Variants in SCP2 observed in about 807,000 individuals in gnomAD.
SCP2 encodes sterol carrier protein 2, also known as SCP-2/3-oxoacyl-CoA thiolase.
Under a neutral mutation model 71.4 loss-of-function variants are expected in SCP2, and 48 were observed. The ratio of observed to expected loss-of-function variants is 0.67; its 90% CI spans 0.53 to 0.86. The LOEUF (loss-of-function observed/expected upper bound fraction) is 0.86, where lower values mean the gene tolerates loss of function less well. SCP2 is among the 40% of genes least tolerant of loss of function. SCP2 has a pLI of 0.00. For synonymous variants in SCP2, 220 were observed against 218.1 expected (o/e 1.01, Z -0.08); for missense variants, 560 against 655.6 (o/e 0.85, Z 1.59).
chr1:53,026,805 A>C (rs960645026), intron 12 of SCP2, among the ~76,000 whole-genome samples: 2 of 152,108 alleles, frequency 1.3e-5, no homozygotes, highest in Non-Finnish European at 2.9e-5. Flanking sequence ...CCCTGTGGGA[A>C]AGAGAGAGAG....
At chr1:53,030,063 A>G (rs1000012126) in intron 13 of SCP2, among the ~76,000 whole-genome samples, 2 of 151,864 alleles carry the variant, frequency 1.3e-5, no homozygotes, top group African/African-American at 4.8e-5. Flanking sequence ...TAATTTTTGT[A>G]TTTTTAGTAG....
intron 11 of SCP2, among the ~76,000 whole-genome samples, chr1:53,010,631 G>T (rs1660927782): frequency 6.6e-6 from 1 of 152,090 alleles, no homozygotes; most frequent in African/African-American, 2.4e-5. Flanking sequence ...TCTGTCGTTG[G>T]GTGGGGGAAG....
At chr1:53,040,445 GC>G (rs1269436135) in intron 14 of SCP2, among the ~76,000 whole-genome samples, 1 of 152,110 alleles carries the variant, frequency 6.6e-6, no homozygotes, top group Non-Finnish European at 1.5e-5. Flanking sequence ...TATCCTTGTG[GC>G]CTGTTCCCTC....
intron 10 of SCP2, among the ~76,000 whole-genome samples, chr1:52,984,990 C>T (rs1658861745): frequency 6.6e-6 from 1 of 151,448 alleles, no homozygotes; most frequent in African/African-American, 2.4e-5. Context: ...CAGGGGTACA[C>T]CACCACGCCC....
At chr1:52,929,507 G>A (rs1216829992) in intron 1 of SCP2, among the ~76,000 whole-genome samples, 8 of 152,026 alleles carry the variant, frequency 5.3e-5, no homozygotes, top group Non-Finnish European at 1.0e-4. Context: ...GTGCAGTGGG[G>A]CGATCTCAGC....
chr1:52,965,300 T>C (rs1656849667), intron 6 of SCP2, among the ~76,000 whole-genome samples: 1 of 152,170 alleles, frequency 6.6e-6, no homozygotes, highest in Admixed American at 6.5e-5. Context: ...ATTTGAACTT[T>C]ACTCTCAATT....
rs1664172354 is a variant in SCP2, at chr1:53,051,112, G to T, written c.*408G>T. 1 of 160,118 alleles carries T rather than the reference G, an allele frequency of 6.2e-6. No homozygotes were observed. The highest frequency in any genetic ancestry group is 1.4e-5 in the Non-Finnish European group (1 of 72,786). The allele number at this position is 160,118 out of a possible 1,614,324, so 9.9% of individuals were successfully genotyped here. A position where few individuals can be genotyped will look rare whatever the true frequency, so the allele number is the denominator to read the frequency against. On this transcript the variant is annotated 3_prime_UTR_variant, in exon 16 of 16. Transcript: ENST00000371514. ...GGGAGAACTAAGTAAGAAACACAAT[G>T]CCAACAGCTGGCCAGTAATTAGTGT... is the stretch of plus-strand genomic sequence containing the variant.
chr1:52,981,779 T>C (rs1214669177), intron 10 of SCP2, among the ~76,000 whole-genome samples: 2 of 150,036 alleles, frequency 1.3e-5, no homozygotes, highest in Non-Finnish European at 3.0e-5. Flanking sequence ...ATTTTATATA[T>C]ATATAAAATG....
chr1:52,962,182 G>A (rs1233948064), intron 6 of SCP2, among the ~76,000 whole-genome samples: 9 of 152,098 alleles, frequency 5.9e-5, no homozygotes, highest in South Asian at 2.1e-4. Context: ...GATTACAGGC[G>A]TGAGCCACCA....
chr1:53,032,306 C>G (rs1662607553), intron 13 of SCP2, among the ~76,000 whole-genome samples: 1 of 152,168 alleles, frequency 6.6e-6, no homozygotes, highest in Non-Finnish European at 1.5e-5. Context: ...TATGTCCCTG[C>G]CTCTCAGGGA....
intron 4 of SCP2, among the ~76,000 whole-genome samples, chr1:52,954,076 C>T (rs555074009): frequency 2.4e-4 from 36 of 150,138 alleles, no homozygotes; most frequent in African/African-American, 8.1e-4. Context: ...CTTGGGAGGT[C>T]GGGGTGGACA....
intron 13 of SCP2, among the ~76,000 whole-genome samples, chr1:53,037,148 A>G (rs1663007222): frequency 6.6e-6 from 1 of 152,112 alleles, no homozygotes. Context: ...AAAAATAATA[A>G]TAATAATAAA....
At chr1:52,990,366 A>G (rs902517721) in intron 11 of SCP2, among the ~76,000 whole-genome samples, 62 of 152,326 alleles carry the variant, frequency 4.1e-4, no homozygotes, top group African/African-American at 1.4e-3. Context: ...AAGCCAAAAC[A>G]TTGGACTTAC....
rs75746535 is a variant in SCP2, at chr1:52,983,514, T to C, written c.973+2971T>C. Among the ~76,000 whole-genome samples the C allele has an allele frequency of 4.1e-3, 618 of 152,332 alleles. 5 individuals carry two copies. The highest frequency in any genetic ancestry group is 0.014 in the African/African-American group (593 of 41,584). On this transcript the variant is annotated intron_variant, in intron 10 of 15. Transcript: ENST00000371514. ...GAAACTGTTCACTTTGAATCCCCTTTTCTCTCTGTTCTTCACATTTGATAA... is the reference window on the plus strand; with the variant it reads ...GAAACTGTTCACTTTGAATCCCCTTCTCTCTCTGTTCTTCACATTTGATAA...
chr1:53,004,715 G>A (rs574411272), intron 11 of SCP2, among the ~76,000 whole-genome samples: 4 of 152,336 alleles, frequency 2.6e-5, no homozygotes, highest in South Asian at 4.1e-4. Flanking sequence ...CGTGAGTGAC[G>A]CAGAAGATGG....
At chr1:53,038,473 T>C (rs933050531) in intron 13 of SCP2, among the ~76,000 whole-genome samples, 14 of 152,034 alleles carry the variant, frequency 9.2e-5, no homozygotes, top group Non-Finnish European at 1.9e-4. Context: ...GGCATGATCA[T>C]AGCTCACCAT....
At chr1:52,974,464 C>T (rs1292041127) in intron 6 of SCP2, among the ~76,000 whole-genome samples, 1 of 152,118 alleles carries the variant, frequency 6.6e-6, no homozygotes, top group African/African-American at 2.4e-5. Flanking sequence ...GTAGTGTTCT[C>T]CTGCCTTAAA....
chr1:52,951,033 C>A, intron 4 of SCP2, 147 bp downstream of exon 4: 1 of 903,446 alleles, frequency 1.1e-6, no homozygotes, highest in Non-Finnish European at 1.8e-6. Context: ...GTAACCCTAG[C>A]ACTTTGGGAG....
chr1:52,972,983 T>C (rs1234819853), intron 6 of SCP2, among the ~76,000 whole-genome samples: 1 of 152,220 alleles, frequency 6.6e-6, no homozygotes, highest in Admixed American at 6.5e-5. Context: ...ACTGAGTGTT[T>C]AATTTATATT....
Sources: gnomAD v4.1 joint callset for allele counts (sites outside exome capture counted in the v4.1 genomes callset) on GRCh38, gnomAD v4.1.1 for gene constraint, MANE v1.5 for transcripts, NCBI Gene and HGNC (gene_info 2026-07-23, HGNC 2026-07-21) for gene names.